Variants in KCNQ5 observed in about 807,000 individuals in gnomAD.
KCNQ5 encodes the protein potassium voltage-gated channel subfamily KQT member 5.
A neutral mutation model predicts 98.2 loss-of-function variants in KCNQ5; 30 were observed. The ratio of observed to expected loss-of-function variants is 0.31; its 90% confidence interval spans 0.23 to 0.41. KCNQ5 has a LOEUF of 0.41. Ranked by LOEUF, KCNQ5 falls within the 10% of genes least tolerant of loss-of-function variation. The pLI, the probability that KCNQ5 is intolerant of heterozygous loss-of-function variation, is 1.00. For synonymous variants in KCNQ5, 458 were observed against 449.4 expected (o/e 1.02, Z -0.24); for missense variants, 835 against 1,182.5 (o/e 0.71, Z 4.31).
intron 1 of KCNQ5, among the ~76,000 whole-genome samples, chr6:72,787,122 C>A (rs569498677): frequency 1.3e-5 from 2 of 151,324 alleles, no homozygotes; most frequent in East Asian, 3.9e-4. Flanking sequence ...ACCTGTGAGA[C>A]AAATGCAGCC....
intron 1 of KCNQ5, among the ~76,000 whole-genome samples, chr6:72,784,316 C>A (rs1037094564): frequency 6.6e-6 from 1 of 151,988 alleles, no homozygotes; most frequent in African/African-American, 2.4e-5. Flanking sequence ...GAGTCAAGAC[C>A]TGATAGAGAG....
intron 12 of KCNQ5, among the ~76,000 whole-genome samples, chr6:73,192,093 C>T (rs747659471): frequency 6.6e-6 from 1 of 152,178 alleles, no homozygotes; most frequent in Non-Finnish European, 1.5e-5. Flanking sequence ...ATTTATAGAA[C>T]CAATCTTGGG....
rs1173346381 is a variant in KCNQ5, at chr6:73,196,014, G to A, written c.*600G>A. ...ATTTAGCGCTGTGGCAAGCAATTTT[G>A]CACATCATTTTCATGTTGTTCTTTA... On this transcript the variant is annotated 3_prime_UTR_variant, in exon 14 of 14. Coordinates refer to ENST00000370398, the MANE Select transcript of KCNQ5 (RefSeq NM_019842.4). 3 of 153,172 alleles carry A rather than the reference G, an allele frequency of 2.0e-5. No homozygotes were observed. Among genetic ancestry groups the A allele is most frequent in the East Asian group, 3.9e-4 (2 of 5,190 alleles). 9.5% of individuals were successfully genotyped at this position (153,172 alleles called of 1,614,324 possible).
At chr6:72,701,821 C>T (rs914793242) in intron 1 of KCNQ5, among the ~76,000 whole-genome samples, 1 of 151,968 alleles carries the variant, frequency 6.6e-6, no homozygotes, top group Non-Finnish European at 1.5e-5. Context: ...CTCAAGTGAT[C>T]CTGCCAAGAA....
intron 1 of KCNQ5, among the ~76,000 whole-genome samples, chr6:72,677,818 T>C (rs1040118826): frequency 2.6e-5 from 4 of 152,204 alleles, no homozygotes; most frequent in Admixed American, 1.3e-4. Flanking sequence ...ACATACAAAG[T>C]TGAGTGAGCA....
chr6:72,628,512 C>T (rs1164987408), intron 1 of KCNQ5, among the ~76,000 whole-genome samples: 1 of 152,194 alleles, frequency 6.6e-6, no homozygotes, highest in Non-Finnish European at 1.5e-5. Context: ...CTTTCCTCTT[C>T]TCTGAGCTTG....
chr6:73,052,786 T>C (rs190793247), intron 3 of KCNQ5, among the ~76,000 whole-genome samples: 75 of 152,308 alleles, frequency 4.9e-4, no homozygotes, highest in African/African-American at 1.6e-3. Flanking sequence ...TACAAAAACG[T>C]GCTTAAGTAC....
intron 3 of KCNQ5, among the ~76,000 whole-genome samples, chr6:73,061,511 G>T (rs927853774): frequency 1.0e-3 from 158 of 152,102 alleles, no homozygotes; most frequent in African/African-American, 3.1e-3. Flanking sequence ...CAGTTGTTCC[G>T]AATCTACTCA....
rs1582106227 is a variant in KCNQ5 at position 72,681,526 on chromosome 6, C to A, written c.398+58939C>A. Among the ~76,000 whole-genome samples the A allele has an allele frequency of 2.6e-5, 4 of 152,254 alleles. No individual in the cohort carries two copies. In the East Asian group the frequency reaches 7.7e-4, roughly 29 times the overall value. ...CAGATCCAAAGTCTCTCTCTTTGAA[C>A]TAGTCAAGGATGGATAATTAATGTT... On this transcript the variant is annotated intron_variant, in intron 1 of 13. Coordinates refer to ENST00000370398, the MANE Select transcript of KCNQ5 (RefSeq NM_019842.4).
At chr6:72,740,934 A>C (rs1771101021) in intron 1 of KCNQ5, among the ~76,000 whole-genome samples, 1 of 152,106 alleles carries the variant, frequency 6.6e-6, no homozygotes, top group South Asian at 2.1e-4. Context: ...AATTGTTCTG[A>C]GTTGTTCACT....
intron 5 of KCNQ5, among the ~76,000 whole-genome samples, chr6:73,097,106 T>C (rs1774537359): frequency 7.1e-6 from 1 of 141,086 alleles, no homozygotes; most frequent in Non-Finnish European, 1.6e-5. Flanking sequence ...ACAATACACA[T>C]TACTAACTGT....
chr6:73,032,922 G>T (rs1771217122), intron 2 of KCNQ5, among the ~76,000 whole-genome samples: 1 of 152,120 alleles, frequency 6.6e-6, no homozygotes, highest in African/African-American at 2.4e-5. Context: ...AGGTGAAGGG[G>T]AAAGCCTAAG....
intron 5 of KCNQ5, among the ~76,000 whole-genome samples, chr6:73,100,014 GA>G (rs1366846357): frequency 6.6e-6 from 1 of 152,110 alleles, no homozygotes. Flanking sequence ...ACAATTGAAT[GA>G]AACTAAAAAT....
At chr6:72,996,563 C>T (rs1769309652) in intron 1 of KCNQ5, among the ~76,000 whole-genome samples, 1 of 152,226 alleles carries the variant, frequency 6.6e-6, no homozygotes, top group African/African-American at 2.4e-5. Context: ...GTCAGCTTTG[C>T]TCCAGGCCCT....
chr6:72,630,830 A>G (rs1392467359), intron 1 of KCNQ5, among the ~76,000 whole-genome samples: 3 of 152,162 alleles, frequency 2.0e-5, no homozygotes, highest in South Asian at 2.1e-4. Context: ...GTGATGGGCA[A>G]TCTTTGAGGA....
chr6:72,931,547 G>C (rs1475395831), intron 1 of KCNQ5, among the ~76,000 whole-genome samples: 3 of 152,116 alleles, frequency 2.0e-5, no homozygotes, highest in African/African-American at 7.2e-5. Context: ...AAAGCATATG[G>C]ACAAGTGGTA....
intron 10 of KCNQ5, among the ~76,000 whole-genome samples, chr6:73,154,380 A>G (rs1437361700): frequency 6.6e-6 from 1 of 152,200 alleles, no homozygotes; most frequent in Non-Finnish European, 1.5e-5. Context: ...GATAAATGTC[A>G]GTTTGGAAAA....
At chr6:73,176,075 A>AT (rs1203067111) in intron 11 of KCNQ5, among the ~76,000 whole-genome samples, 1 of 152,196 alleles carries the variant, frequency 6.6e-6, no homozygotes, top group Non-Finnish European at 1.5e-5. Context: ...AGCAGGAACC[A>AT]TAAGAATGAG....
rs1286156412 is a variant in KCNQ5 at position 72,622,255 on chromosome 6, A to G, written c.66A>G (p.Ala22=). The change falls in exon 1 of 14, where the codon GCA becomes GCG. Residue 22 remains alanine, a synonymous_variant. Coordinates refer to ENST00000370398, the MANE Select transcript of KCNQ5 (RefSeq NM_019842.4). This position sits in a 1 kb window ranked among gnomAD's most constrained non-coding sequence, Gnocchi z 6.0. ...GAAGLWVKSG[A]AAAAAGGGRL... ...CCGGGCTCTGGGTGAAGAGCGGCGC[A>G]GCGGCGGCGGCGGCGGGCGGGGGGC... 7 of 1,265,600 alleles carry G rather than the reference A, an allele frequency of 5.5e-6. No individual in the cohort carries two copies. The highest frequency in any genetic ancestry group is 5.9e-6 in the Non-Finnish European group (6 of 1,009,810). The allele number at this position is 1,265,600 out of a possible 1,614,324, so 78.4% of individuals were successfully genotyped here. A position where few individuals can be genotyped will look rare whatever the true frequency, so the allele number is the denominator to read the frequency against.
Sources: gnomAD v4.1 joint callset for allele counts (sites outside exome capture counted in the v4.1 genomes callset) on GRCh38, gnomAD v4.1.1 for gene constraint, Gnocchi (gnomAD v3.1) non-coding constraint, MANE v1.5 for transcripts, NCBI Gene and HGNC (gene_info 2026-07-23, HGNC 2026-07-21) for gene names.